The following XXYLT1 variants were observed in gnomAD, a reference collection of about 807,000 sequenced individuals.
XXYLT1 encodes the protein xyloside xylosyltransferase 1.
Under a neutral mutation model 28.9 loss-of-function variants are expected in XXYLT1, and 20 were observed. The ratio of observed to expected loss-of-function variants is 0.69; its 90% confidence interval spans 0.49 to 1.00. XXYLT1 has a LOEUF of 1.00. Ranked by LOEUF, XXYLT1 falls within the 50% of genes least tolerant of loss-of-function variation. XXYLT1 has a pLI of 0.00. For missense variants in XXYLT1, 542 were observed against 560.1 expected (o/e 0.97, Z 0.33); for synonymous variants, 257 against 253.8 (o/e 1.01, Z -0.12).
Position 195,070,926 on chromosome 3 carries a change from C to G in XXYLT1, c.786-815G>C, listed in dbSNP as rs567298628. Among the ~76,000 whole-genome samples, 41 of 152,350 alleles carry G rather than the reference C, an allele frequency of 2.7e-4. No individual in the cohort carries two copies. In the South Asian group the frequency reaches 8.5e-3, roughly 32 times the overall value. On this transcript the variant is annotated intron_variant, in intron 3 of 3. Coordinates refer to ENST00000310380, the MANE Select transcript of XXYLT1 (RefSeq NM_152531.5). ...GCAGATTTAGAAACCAATCTAGGTT[C>G]ATAGTTCAGGGAGTGTTAGCCTCTT...
intron 2 of XXYLT1, among the ~76,000 whole-genome samples, chr3:195,199,183 T>TAGAAG (rs57087044): frequency 0.051 from 7,713 of 152,150 alleles, 602 homozygotes; most frequent in African/African-American, 0.18. Context: ...TGGGCAGGGC[T>TAGAAG]AGGAGTCCAG....
chr3:195,177,114 C>A (rs1451498751), intron 2 of XXYLT1, among the ~76,000 whole-genome samples: 1 of 152,232 alleles, frequency 6.6e-6, no homozygotes, highest in African/African-American at 2.4e-5. Flanking sequence ...GCCCTTCTGC[C>A]GAACTCCTGA....
chr3:195,096,182 T>C (rs1716431806), intron 3 of XXYLT1: 1 of 152,232 alleles, frequency 6.6e-6, no homozygotes, highest in Non-Finnish European at 1.5e-5. Flanking sequence ...AAAAGTACAC[T>C]GTCTCAACAT....
intron 3 of XXYLT1, among the ~76,000 whole-genome samples, chr3:195,101,199 G>A (rs906215764): frequency 6.6e-6 from 1 of 152,248 alleles, no homozygotes; most frequent in African/African-American, 2.4e-5. Context: ...GTGCTATGCC[G>A]TCCTTACGGC....
intron 3 of XXYLT1, chr3:195,122,036 G>A (rs745693182): frequency 1.4e-6 from 1 of 703,032 alleles, no homozygotes; most frequent in South Asian, 1.5e-5. Flanking sequence ...AGTTCTAGAG[G>A]CTGGGAAGTC....
In XXYLT1 at chr3:195,137,899, T is replaced by A. The variant is rs1719283023; in HGVS notation, c.785+18550A>T. On this transcript the variant is annotated intron_variant, in intron 3 of 3. Coordinates refer to ENST00000310380, the MANE Select transcript of XXYLT1 (RefSeq NM_152531.5). ...GGTCAGAACTGGCAGGCAGGCTTTA[T>A]CAGACACACCCTTTCTGCCTGCATA... Among the ~76,000 whole-genome samples, 10 of 152,192 alleles carry A rather than the reference T, an allele frequency of 6.6e-5. No homozygotes were observed. In the South Asian group the frequency reaches 2.1e-3, roughly 32 times the overall value.
rs940302949 is a variant in XXYLT1 at position 195,176,907 on chromosome 3, A to G, written c.653-20326T>C. Among the ~76,000 whole-genome samples, 20 of 151,344 alleles carry G rather than the reference A, an allele frequency of 1.3e-4. No homozygotes were observed. The highest frequency in any genetic ancestry group is 3.4e-3 in the Middle Eastern group (1 of 292). ...GCCGACTCCTTGGAACCAGCAAGAA[A>G]CTCTCAAGCCCCCGCCTAGGGACTA... is the stretch of plus-strand genomic sequence containing the variant. On this transcript the variant is annotated intron_variant, in intron 2 of 3. Transcript: ENST00000310380. The surrounding 1 kb of genome is among the most constrained non-coding windows in gnomAD (Gnocchi z 4.9).
At chr3:195,158,214 C>G (rs986316134) in intron 2 of XXYLT1, among the ~76,000 whole-genome samples, 2 of 152,186 alleles carry the variant, frequency 1.3e-5, no homozygotes, top group African/African-American at 4.8e-5. Flanking sequence ...AAGCAGCAGC[C>G]TAAACACCCC....
At position 195,270,577 on chromosome 3, in the gene XXYLT1, G is replaced by A. The variant is rs750759625; in HGVS notation, c.482C>T (p.Pro161Leu). The change falls in exon 1 of 4, where the codon CCC (proline) becomes CTC (leucine). Residue 161 changes from proline (P) to leucine (L), a missense_variant. Coordinates refer to ENST00000310380, the MANE Select transcript of XXYLT1 (RefSeq NM_152531.5). ...CACCTTGCACTTGAAGCCAGCGGCG[G>A]GCGGCAGGAGCTCCCGCAGCAGGCC... is the stretch of plus-strand genomic sequence containing the variant. The part of the protein sequence containing the change: ...AKGLLRELLP[P>L]AAGFKCKVIF... The A allele has an allele frequency of 2.2e-6, 3 of 1,385,504 alleles. No homozygotes were observed. The highest frequency in any genetic ancestry group is 2.8e-6 in the Non-Finnish European group (3 of 1,072,394). 85.8% of individuals were successfully genotyped at this position (1,385,504 alleles called of 1,614,324 possible). A position where few individuals can be genotyped will look rare whatever the true frequency, so the allele number is the denominator to read the frequency against.
intron 3 of XXYLT1, among the ~76,000 whole-genome samples, chr3:195,111,424 T>C (rs146829034): frequency 7.9e-5 from 12 of 151,726 alleles, no homozygotes; most frequent in African/African-American, 2.4e-4. Context: ...AGAGGGGAGA[T>C]GGGGAGAGAG....
chr3:195,076,799 G>A lies in XXYLT1; in HGVS notation c.786-6688C>T, dbSNP rs1715146801. On this transcript the variant is annotated intron_variant, in intron 3 of 3. Coordinates refer to ENST00000310380, the MANE Select transcript of XXYLT1 (RefSeq NM_152531.5). The surrounding 1 kb of genome is among the most constrained non-coding windows in gnomAD (Gnocchi z 5.3). ...CATATTCACATGGCGTTCTCCCTGC[G>A]TGCACGTGCCTCTGTGTCCACATTG... 6.6e-6 allele frequency among the ~76,000 whole-genome samples: 1 copy of A among 152,084 alleles called. No homozygotes were observed. The highest frequency in any genetic ancestry group is 1.9e-4 in the East Asian group (1 of 5,192).
At position 195,257,181 on chromosome 3, in the gene XXYLT1, G is replaced by A. The variant is rs552979622; in HGVS notation, c.504+13374C>T. ...GTGCACAGGACATCTGACGGGCATCGGTGCCCAGCCATCCCACCCCGGCCT... is the reference window on the plus strand; with the variant it reads ...GTGCACAGGACATCTGACGGGCATCAGTGCCCAGCCATCCCACCCCGGCCT... On this transcript the variant is annotated intron_variant, in intron 1 of 3. Transcript: ENST00000310380. This position sits in a 1 kb window ranked among gnomAD's most constrained non-coding sequence, Gnocchi z 4.3. 5.9e-5 allele frequency among the ~76,000 whole-genome samples: 9 copies of A among 152,262 alleles called. No homozygotes were observed. The highest frequency in any genetic ancestry group is 1.9e-4 in the East Asian group (1 of 5,184).
At chr3:195,220,245 G>A (rs896747062) in intron 2 of XXYLT1, among the ~76,000 whole-genome samples, 6 of 152,130 alleles carry the variant, frequency 3.9e-5, no homozygotes, top group Non-Finnish European at 5.9e-5. Flanking sequence ...GGGTTCAAGC[G>A]ATTCTCCCGC....
chr3:195,088,860 C>T (rs1212236977), intron 3 of XXYLT1, among the ~76,000 whole-genome samples: 2 of 146,930 alleles, frequency 1.4e-5, no homozygotes, highest in Admixed American at 6.8e-5. Flanking sequence ...AACCAAGGCT[C>T]GAGAACTACG....
At chr3:195,243,465 C>G (rs1220116578) in intron 1 of XXYLT1, among the ~76,000 whole-genome samples, 1 of 151,342 alleles carries the variant, frequency 6.6e-6, no homozygotes, top group Non-Finnish European at 1.5e-5. Context: ...AATAACTTCT[C>G]TATTACTACT....
At chr3:195,238,022 A>G (rs1724625728) in intron 1 of XXYLT1, among the ~76,000 whole-genome samples, 1 of 152,084 alleles carries the variant, frequency 6.6e-6, no homozygotes, top group Non-Finnish European at 1.5e-5. Flanking sequence ...TTTTCCAAAT[A>G]GAGAAATTCG....
chr3:195,208,135 G>C (rs1166460742), intron 2 of XXYLT1, among the ~76,000 whole-genome samples: 1 of 152,226 alleles, frequency 6.6e-6, no homozygotes, highest in Non-Finnish European at 1.5e-5. Flanking sequence ...GGATGACCGG[G>C]GGCCGTGTTA....
At chr3:195,145,667 T>C (rs1719806573) in intron 3 of XXYLT1, among the ~76,000 whole-genome samples, 1 of 145,706 alleles carries the variant, frequency 6.9e-6, no homozygotes. Context: ...CCTGCGAGCA[T>C]CTCTGTGACT....
At chr3:195,237,862 TTCC>T (rs1327923981) in intron 1 of XXYLT1, among the ~76,000 whole-genome samples, 3 of 152,074 alleles carry the variant, frequency 2.0e-5, no homozygotes, top group Non-Finnish European at 2.9e-5. Context: ...TCCAGACCAG[TTCC>T]TGCTATTTTC....
Sources: gnomAD v4.1 joint callset for allele counts (sites outside exome capture counted in the v4.1 genomes callset) on GRCh38, gnomAD v4.1.1 for gene constraint, Gnocchi (gnomAD v3.1) non-coding constraint, MANE v1.5 for transcripts, NCBI Gene and HGNC (gene_info 2026-07-23, HGNC 2026-07-21) for gene names.